The following MINAR1 variants were observed in gnomAD, a reference collection of about 807,000 sequenced individuals.
MINAR1 encodes the protein major intrinsically disordered Notch2-binding receptor 1.
Under a neutral mutation model 65.1 loss-of-function variants are expected in MINAR1, and 40 were observed. The observed-to-expected ratio is 0.61, with a 90% confidence interval of 0.48 to 0.80. The LOEUF is 0.80. MINAR1 is among the 30% of genes least tolerant of loss of function. The probability of loss-of-function intolerance (pLI) is 0.00; values close to 1 mark genes in which losing one functional copy is unlikely to be tolerated. For missense variants in MINAR1, 1,128 were observed against 1,148.0 expected, an observed-to-expected ratio of 0.98 and a Z score of 0.25; for synonymous variants, 482 against 449.1, an observed-to-expected ratio of 1.07 and a Z score of -0.93.
rs762124933 is a variant in MINAR1 at position 79,456,905 on chromosome 15, G to C, written c.758G>C (p.Cys253Ser). 1.2e-6 allele frequency: 2 copies of C among 1,614,090 alleles called. No homozygotes were observed. The highest frequency in any genetic ancestry group is 2.2e-5 in the South Asian group (2 of 91,080). The change falls in exon 2 of 4, where the codon TGT becomes TCT. Residue 253 changes from cysteine (C) to serine (S), a missense_variant. Coordinates refer to ENST00000305428, the MANE Select transcript of MINAR1 (RefSeq NM_015206.3). ...GAGGAGCCATTTGTGGTCCAGTCCTGTGTCCAGAAAAGGAATATCTTCAAA... is the reference window on the plus strand; with the variant it reads ...GAGGAGCCATTTGTGGTCCAGTCCTCTGTCCAGAAAAGGAATATCTTCAAA... Reference protein sequence around the residue: ...SNEEPFVVQSCVQKRNIFKED... With the variant: ...SNEEPFVVQSSVQKRNIFKED...
intron 3 of MINAR1, among the ~76,000 whole-genome samples, chr15:79,467,164 C>A (rs1895894323): frequency 6.6e-6 from 1 of 152,178 alleles, no homozygotes; most frequent in East Asian, 1.9e-4. Context: ...AATGGTACAA[C>A]TGAGTTTTTT....
At chr15:79,429,349 T>C (rs1338510388), upstream of MINAR1, among the ~76,000 whole-genome samples, 1 of 152,222 alleles carries the variant, frequency 6.6e-6, no homozygotes, top group Non-Finnish European at 1.5e-5. Context: ...CAAAACCAGG[T>C]CAAGTGATTT....
intron 2 of MINAR1, among the ~76,000 whole-genome samples, chr15:79,461,720 A>G (rs534115023): frequency 3.3e-5 from 5 of 152,228 alleles, no homozygotes; most frequent in African/African-American, 1.2e-4. Flanking sequence ...GTAGGTGGAG[A>G]TGTGTTTCCA....
At position 79,457,908 on chromosome 15, in the gene MINAR1, C is replaced by T. The variant is rs766817893; in HGVS notation, c.1761C>T (p.His587=). 5.6e-6 allele frequency: 9 copies of T among 1,614,038 alleles called. No individual in the cohort carries two copies. The East Asian group carries it at 1.6e-4, about 28-fold the overall frequency. Residue 587 remains histidine (H), a synonymous_variant, in exon 2 of 4, where the codon CAC becomes CAT. Transcript: ENST00000305428. ...GCAACCGGCCTGAAAACACCCACCA[C>T]TCGGAAGAAGAGCTGAAGACCAGTG... ...DKGNRPENTH[H]SEEELKTSVC...
chr15:79,411,505 CAG>C, the MINAR1 span: 2 of 702,156 alleles, frequency 2.8e-6, no homozygotes, highest in African/African-American at 1.7e-5. Flanking sequence ...ACCCTCCTAA[CAG>C]ATTTTCAGCG....
At chr15:79,449,204 T>C (rs1895111393) in intron 1 of MINAR1, among the ~76,000 whole-genome samples, 1 of 152,198 alleles carries the variant, frequency 6.6e-6, no homozygotes, top group South Asian at 2.1e-4. Flanking sequence ...TAAGACAATA[T>C]GGATCCCCAT....
At chr15:79,449,935 A>T (rs1218511024) in intron 1 of MINAR1, among the ~76,000 whole-genome samples, 1 of 151,800 alleles carries the variant, frequency 6.6e-6, no homozygotes, top group East Asian at 1.9e-4. Flanking sequence ...CCTCCTCTTT[A>T]GTCTTTGCGG....
rs139072268 is a variant in MINAR1, at chr15:79,458,334, G to A, written c.2187G>A (p.Ser729=). 13 of 1,614,014 alleles carry A rather than the reference G, an allele frequency of 8.1e-6. No individual in the cohort carries two copies. Among genetic ancestry groups the A allele is most frequent in the East Asian group, 2.2e-5 (1 of 44,896 alleles). The change falls in exon 2 of 4, where the codon TCG becomes TCA. Residue 729 remains serine (S), a synonymous_variant. Transcript: ENST00000305428. ...CCAAAATTGCCAGCATCTCCAACTC[G>A]CCCAGAGACTGGCGCACCATCACTT... The part of the protein sequence containing the change: ...TESKIASISN[S]PRDWRTITYT...
the MINAR1 span, chr15:79,414,317 A>G: frequency 6.6e-6 from 1 of 152,228 alleles, no homozygotes; most frequent in Non-Finnish European, 1.5e-5. Flanking sequence ...TGTGCACTGA[A>G]TTCCTCCTAC....
chr15:79,454,149 GC>G (rs1895334400), intron 1 of MINAR1, among the ~76,000 whole-genome samples: 1 of 152,198 alleles, frequency 6.6e-6, no homozygotes, highest in African/African-American at 2.4e-5. Context: ...GAAGGCTGGG[GC>G]GGGGTGGGAA....
intron 1 of MINAR1, among the ~76,000 whole-genome samples, chr15:79,453,820 T>C (rs1319618929): frequency 6.6e-6 from 1 of 152,246 alleles, no homozygotes; most frequent in Non-Finnish European, 1.5e-5. Flanking sequence ...ATAGGGTTTT[T>C]GACCTGGGAT....
intron 1 of MINAR1, among the ~76,000 whole-genome samples, chr15:79,441,252 AATT>A (rs1240126791): frequency 2.0e-5 from 3 of 152,198 alleles, no homozygotes; most frequent in Non-Finnish European, 4.4e-5. Context: ...ACCCAGAGAC[AATT>A]ATTATTAACA....
chr15:79,427,345 T>C (rs1894337826), upstream of MINAR1: 1 of 152,176 alleles, frequency 6.6e-6, no homozygotes, highest in Admixed American at 6.5e-5. Context: ...CAAAATAATC[T>C]GTACAACAAA....
chr15:79,440,927 T>G (rs1894853240), intron 1 of MINAR1, among the ~76,000 whole-genome samples: 1 of 152,252 alleles, frequency 6.6e-6, no homozygotes, highest in Admixed American at 6.5e-5. Context: ...GTTTTTGTTT[T>G]GTTCATTGTC....
At chr15:79,467,752 C>G (rs1395296145) in intron 3 of MINAR1, among the ~76,000 whole-genome samples, 4 of 152,192 alleles carry the variant, frequency 2.6e-5, no homozygotes, top group Non-Finnish European at 5.9e-5. Flanking sequence ...GAAGAACTGA[C>G]TCAGAGTGCT....
chr15:79,413,145 AAC>A, the MINAR1 span: 1 of 152,252 alleles, frequency 6.6e-6, no homozygotes, highest in Admixed American at 6.5e-5. Context: ...GAACTCTGAA[AAC>A]ACAAAAAACT....
intron 3 of MINAR1, among the ~76,000 whole-genome samples, chr15:79,465,487 C>T (rs1895806670): frequency 1.3e-5 from 2 of 152,018 alleles, no homozygotes; most frequent in Admixed American, 1.3e-4. Context: ...TCAGTATTAC[C>T]TCTTTTCTAC....
chr15:79,456,261 C>T lies in MINAR1; in HGVS notation c.114C>T (p.Phe38=), dbSNP rs7183867. 129,265 of 1,613,932 alleles carry T rather than the reference C, an allele frequency of 0.08. 11,288 individuals are homozygous for T. Among genetic ancestry groups the T allele is most frequent in the African/African-American group, 0.46 (34,524 of 74,902 alleles). The change falls in exon 2 of 4, where the codon TTC becomes TTT. Residue 38 remains phenylalanine (F), a synonymous_variant. Coordinates refer to ENST00000305428, the MANE Select transcript of MINAR1 (RefSeq NM_015206.3). ...QDLCKSLCAR[F]DLSQLAKLRS... is the part of the protein sequence containing the mutation. ...TGTGCAAATCTCTCTGTGCCCGGTTCGACCTGTCGCAGCTTGCCAAACTGA... is the reference window on the plus strand; with the variant it reads ...TGTGCAAATCTCTCTGTGCCCGGTTTGACCTGTCGCAGCTTGCCAAACTGA...
In MINAR1 at chr15:79,456,269, C is replaced by A; in HGVS notation, c.122C>A (p.Ser41Ter). Residue 41 changes from serine to a stop codon, truncating the protein, a stop_gained, in exon 2 of 4, where the codon TCG (serine) becomes TAG (stop). Coordinates refer to ENST00000305428, the MANE Select transcript of MINAR1 (RefSeq NM_015206.3). LOFTEE classifies it high-confidence loss of function. ...TCTCTCTGTGCCCGGTTCGACCTGT[C>A]GCAGCTTGCCAAACTGAGAAGTGTG... ...CKSLCARFDL[S>*]QLAKLRSVLF... is the part of the protein sequence containing the mutation. 6.2e-7 allele frequency: 1 copy of A among 1,614,148 alleles called. No individual in the cohort carries two copies. Among genetic ancestry groups the A allele is most frequent in the Non-Finnish European group, 8.5e-7 (1 of 1,180,030 alleles).
Sources: allele counts gnomAD v4.1 joint callset (sites outside exome capture counted in the v4.1 genomes callset), GRCh38; gene constraint gnomAD v4.1.1; transcripts MANE v1.5; gene names NCBI Gene and HGNC (gene_info 2026-07-23, HGNC 2026-07-21).